Variants in SMG1 observed in about 807,000 individuals in gnomAD.
SMG1 encodes SMG1 nonsense mediated mRNA decay associated PI3K related kinase.
SMG1 carries 22 observed loss-of-function variants against 419.9 expected under a neutral mutation model. The observed-to-expected ratio is 0.05, with a 90% CI of 0.04 to 0.07. The LOEUF (loss-of-function observed/expected upper bound fraction) is 0.07. Ranked by LOEUF, SMG1 falls within the 10% of genes least tolerant of loss-of-function variation. The pLI is 1.00. For missense variants in SMG1, 3,185 were observed against 4,342.0 expected, an observed-to-expected ratio of 0.73 and a Z score of 7.49; for synonymous variants, 1,538 against 1,553.5, an observed-to-expected ratio of 0.99 and a Z score of 0.23.
chr16:18,889,054 G>A (rs903618287), intron 6 of SMG1, among the ~76,000 whole-genome samples: 2 of 150,470 alleles, frequency 1.3e-5, no homozygotes, highest in Admixed American at 6.6e-5. Flanking sequence ...TCGATCTCCT[G>A]ACCTCATTAT....
chr16:18,865,400 T>A (rs1162780252), intron 23 of SMG1, among the ~76,000 whole-genome samples: 1 of 152,190 alleles, frequency 6.6e-6, no homozygotes, highest in Non-Finnish European at 1.5e-5. Flanking sequence ...TGCAGCCACC[T>A]TTTCTGTAGA....
chr16:18,914,283 T>G (rs2037891927), intron 1 of SMG1, among the ~76,000 whole-genome samples: 1 of 151,972 alleles, frequency 6.6e-6, no homozygotes, highest in Admixed American at 6.6e-5. Flanking sequence ...AAAACCAACA[T>G]AATAATAACA....
intron 1 of SMG1, among the ~76,000 whole-genome samples, chr16:18,914,549 T>C (rs2037900756): frequency 6.6e-6 from 1 of 152,000 alleles, no homozygotes; most frequent in Non-Finnish European, 1.5e-5. Context: ...CCAGGCGTGG[T>C]GGCAATCGCC....
chr16:18,835,545 G>A (rs1254635952), intron 48 of SMG1, among the ~76,000 whole-genome samples: 2 of 152,218 alleles, frequency 1.3e-5, no homozygotes, highest in East Asian at 3.9e-4. Flanking sequence ...GGAGGCTGAA[G>A]TGGGAGGATC....
At chr16:18,809,693 A>C in intron 62 of SMG1, 47 bp from the exon 63 acceptor site, 1 of 1,432,906 alleles carries the variant, frequency 7.0e-7, no homozygotes, top group Non-Finnish European at 9.7e-7. Flanking sequence ...AAAGCTTTTC[A>C]ATTGTCTGCT....
chr16:18,878,901 C>CT (rs1224204939), intron 11 of SMG1: 4 of 157,694 alleles, frequency 2.5e-5, no homozygotes, highest in Non-Finnish European at 5.6e-5. Flanking sequence ...TCCTAGCTAC[C>CT]TGGGGGGCTG....
rs773191033 is a variant in SMG1, at chr16:18,872,564, T to G, written c.1951A>C (p.Ser651Arg). The change falls in exon 14 of 63, where the codon AGT (serine) becomes CGT (arginine). Residue 651 changes from serine to arginine, a missense_variant. Physicochemically the swap from Ser to Arg is moderately radical, Grantham distance 110. Around this residue, in one of 27 missense-constraint regions of SMG1, gnomAD observed 297 missense variants for 491.0 expected, o/e 0.60. Transcript: ENST00000446231. ...LLSKNLMIVH[S>R]DLAVHFPAIQ... ...GCAGGGAAGTGAACAGCCAGGTCAC[T>G]GTGCACAATCATCAGATTCTTACTC... The G allele has an allele frequency of 1.3e-6, 2 of 1,495,886 alleles. No individual in the cohort carries two copies. Among genetic ancestry groups the G allele is most frequent in the African/African-American group, 2.8e-5 (2 of 71,950 alleles). The allele number at this position is 1,495,886 out of a possible 1,614,324, so 92.7% of individuals were successfully genotyped here.
intron 48 of SMG1, 47 bp downstream of exon 48, chr16:18,835,886 A>G (rs2033533381): frequency 1.3e-6 from 2 of 1,523,510 alleles, no homozygotes; most frequent in Non-Finnish European, 1.8e-6. Flanking sequence ...GTGACAGAAC[A>G]AGACTCCGTC....
chr16:18,918,446 G>T (rs925302237), intron 1 of SMG1, among the ~76,000 whole-genome samples: 3 of 152,008 alleles, frequency 2.0e-5, no homozygotes, highest in African/African-American at 7.2e-5. Context: ...CTTCTATTTT[G>T]GGGGGGATTC....
intron 19 of SMG1, among the ~76,000 whole-genome samples, 179 bp downstream of exon 19, chr16:18,869,675 T>C (rs1417869796): frequency 1.3e-5 from 2 of 152,218 alleles, no homozygotes; most frequent in Non-Finnish European, 1.5e-5. Context: ...TTTTTGTTTC[T>C]ACAGATGCTA....
chr16:18,893,016 G>A (rs568718297), intron 3 of SMG1, among the ~76,000 whole-genome samples: 1 of 152,168 alleles, frequency 6.6e-6, no homozygotes, highest in Non-Finnish European at 1.5e-5. Flanking sequence ...CAGGTAAAGA[G>A]CCCGGGTGTA....
At chr16:18,855,216 T>C (rs1244053512) in intron 29 of SMG1, among the ~76,000 whole-genome samples, 1 of 151,808 alleles carries the variant, frequency 6.6e-6, no homozygotes. Context: ...GGCTAAACCA[T>C]CCCCCCGCAC....
chr16:18,842,739 A>G (rs979003503), intron 39 of SMG1, among the ~76,000 whole-genome samples: 1 of 152,300 alleles, frequency 6.6e-6, no homozygotes, highest in East Asian at 1.9e-4. Context: ...GCAGGAGAAG[A>G]GGATCACCTG....
intron 25 of SMG1, chr16:18,861,481 T>C (rs1433390200): frequency 6.6e-6 from 1 of 151,764 alleles, no homozygotes; most frequent in Non-Finnish European, 1.5e-5. Flanking sequence ...ACACTGTTTC[T>C]CACTCTCTCT....
intron 10 of SMG1, among the ~76,000 whole-genome samples, chr16:18,880,720 A>AGGGG (rs751761287): frequency 2.9e-5 from 1 of 34,606 alleles, no homozygotes; most frequent in African/African-American, 1.2e-4. Flanking sequence ...CCAAAAAAAA[A>AGGGG]AGGGGGGGGG....
rs1027580175 is a variant in SMG1, at chr16:18,805,481, C to T, written c.*4088G>A. Reference sequence around the variant, plus strand: ...TAGTTCATATTTTACAGCCCTTGAACTTATAAAGCTTTTCTCATTAAGAGT... The same window carrying T: ...TAGTTCATATTTTACAGCCCTTGAATTTATAAAGCTTTTCTCATTAAGAGT... On this transcript the variant is annotated 3_prime_UTR_variant, in exon 63 of 63. Transcript: ENST00000446231. 1.3e-5 allele frequency: 2 copies of T among 152,148 alleles called. No homozygotes were observed. Among genetic ancestry groups the T allele is most frequent in the East Asian group, 1.9e-4 (1 of 5,196 alleles). The allele number at this position is 152,148 out of a possible 1,614,324, so 9.4% of individuals were successfully genotyped here.
At chr16:18,899,967 T>C (rs758821834) in intron 1 of SMG1, 12 of 1,430,524 alleles carry the variant, frequency 8.4e-6, no homozygotes, top group Non-Finnish European at 9.5e-7. Flanking sequence ...ACATGAGAGG[T>C]AAGTTTCTAA....
intron 6 of SMG1, among the ~76,000 whole-genome samples, chr16:18,886,659 G>A (rs967597369): frequency 6.6e-6 from 1 of 152,088 alleles, no homozygotes; most frequent in South Asian, 2.1e-4. Context: ...AAAATTAGCA[G>A]AGCACAGTGG....
chr16:18,882,599 A>C (rs2036447480), intron 9 of SMG1, among the ~76,000 whole-genome samples: 1 of 152,228 alleles, frequency 6.6e-6, no homozygotes. Context: ...CTGTTAGGGA[A>C]AAATAAATTC....
Sources: allele counts gnomAD v4.1 joint callset (sites outside exome capture counted in the v4.1 genomes callset), GRCh38; gene constraint gnomAD v4.1.1; regional missense constraint gnomAD v4.1.1; transcripts MANE v1.5; gene names NCBI Gene and HGNC (gene_info 2026-07-23, HGNC 2026-07-21).